Variants in RBFOX1 observed in about 807,000 individuals in gnomAD.
The protein encoded by RBFOX1 is RNA binding protein fox-1 homolog 1.
Under a neutral mutation model 57.7 loss-of-function variants are expected in RBFOX1, and 8 were observed. The ratio of observed to expected loss-of-function variants is 0.14; its 90% confidence interval spans 0.08 to 0.25. The LOEUF is 0.25. Ranked by LOEUF, RBFOX1 falls within the 10% of genes least tolerant of loss-of-function variation. The pLI, the probability that RBFOX1 is intolerant of heterozygous loss-of-function variation, is 1.00. For synonymous variants in RBFOX1, 326 were observed against 222.4 expected (o/e 1.47, Z -4.15); for missense variants, 611 against 548.5 (o/e 1.11, Z -1.14).
At chr16:6,375,663 C>T (rs1000750994) in intron 2 of RBFOX1, among the ~76,000 whole-genome samples, 1 of 152,144 alleles carries the variant, frequency 6.6e-6, no homozygotes, top group Admixed American at 6.5e-5. Flanking sequence ...GCCTCTTCAG[C>T]ATCCAGATGG....
intron 4 of RBFOX1, among the ~76,000 whole-genome samples, chr16:7,290,396 A>G (rs2094907148): frequency 1.3e-5 from 2 of 152,224 alleles, no homozygotes; most frequent in Admixed American, 1.3e-4. Flanking sequence ...TAATTTTTTA[A>G]CCAGGTGACC....
chr16:5,576,135 C>T lies in RBFOX1; in HGVS notation c.259-22767C>T, dbSNP rs116003230. 4.4e-3 allele frequency among the ~76,000 whole-genome samples: 672 copies of T among 152,248 alleles called. 3 individuals are homozygous for T. Among genetic ancestry groups the T allele is most frequent in the African/African-American group, 0.015 (615 of 41,552 alleles). ...AGAAGCTGGGATTGCAGGTGCCTGC[C>T]ACCATATCCGGCTAATGTTTGTATT... On this transcript the variant is annotated intron_variant, in intron 2 of 2. Coordinates refer to the RBFOX1 transcript ENST00000585867.
chr16:6,761,038 T>C (rs1374355057), intron 3 of RBFOX1, among the ~76,000 whole-genome samples: 1 of 152,188 alleles, frequency 6.6e-6, no homozygotes, highest in East Asian at 1.9e-4. Flanking sequence ...ACATTAAAGT[T>C]TATAGCTTCA....
intron 3 of RBFOX1, among the ~76,000 whole-genome samples, chr16:7,031,128 A>C (rs967950792): frequency 1.3e-5 from 2 of 152,204 alleles, no homozygotes; most frequent in African/African-American, 2.4e-5. Flanking sequence ...AAGCAACTGC[A>C]GGTATGCTGC....
At chr16:7,567,147 A>ATC (rs557434672) in intron 5 of RBFOX1, among the ~76,000 whole-genome samples, 1,243 of 31,458 alleles carry the variant, frequency 0.04, 35 homozygotes, top group Middle Eastern at 0.067. Flanking sequence ...ATCCATATAT[A>ATC]TCCCTATATA....
At chr16:5,896,667 A>G (rs1485128010) in intron 4 of RBFOX1, among the ~76,000 whole-genome samples, 1 of 151,792 alleles carries the variant, frequency 6.6e-6, no homozygotes, top group African/African-American at 2.4e-5. Flanking sequence ...GGACTAAGAC[A>G]TATCGTCATG....
At chr16:5,992,255 T>C (rs2060413259) in intron 4 of RBFOX1, among the ~76,000 whole-genome samples, 1 of 152,156 alleles carries the variant, frequency 6.6e-6, no homozygotes, top group African/African-American at 2.4e-5. Flanking sequence ...TAGAAGATTG[T>C]TTATGTCAGA....
chr16:7,511,299 C>G (rs1415576313), intron 4 of RBFOX1, among the ~76,000 whole-genome samples: 2 of 152,068 alleles, frequency 1.3e-5, no homozygotes, highest in Admixed American at 6.5e-5. Flanking sequence ...GTTAGTTTCT[C>G]AAAACTACTT....
intron 1 of RBFOX1, among the ~76,000 whole-genome samples, chr16:6,064,876 C>G (rs907200641): frequency 4.6e-5 from 7 of 151,980 alleles, no homozygotes; most frequent in African/African-American, 9.7e-5. Context: ...CACACACACA[C>G]TAACTTGGAT....
intron 3 of RBFOX1, among the ~76,000 whole-genome samples, chr16:6,707,116 A>G (rs188323895): frequency 2.2e-4 from 34 of 152,264 alleles, no homozygotes; most frequent in Middle Eastern, 3.4e-3. Flanking sequence ...TTCTCCCCAT[A>G]TATATTTAAT....
intron 1 of RBFOX1, among the ~76,000 whole-genome samples, chr16:6,054,436 C>T (rs2095589573): frequency 6.6e-6 from 1 of 152,120 alleles, no homozygotes; most frequent in South Asian, 2.1e-4. Flanking sequence ...CTAAGATCTC[C>T]AGCGTCAGGT....
At chr16:6,790,133 T>G (rs2082655714) in intron 3 of RBFOX1, among the ~76,000 whole-genome samples, 1 of 149,090 alleles carries the variant, frequency 6.7e-6, no homozygotes, top group South Asian at 2.1e-4. Flanking sequence ...GGTTCTGATT[T>G]AAATGTGACT....
chr16:7,008,448 C>A (rs1027834978), intron 3 of RBFOX1, among the ~76,000 whole-genome samples: 1 of 151,810 alleles, frequency 6.6e-6, no homozygotes, highest in Non-Finnish European at 1.5e-5. Context: ...TCAGAGGCAG[C>A]AGAATCGCTT....
At chr16:7,013,240 A>G (rs890835798) in intron 3 of RBFOX1, among the ~76,000 whole-genome samples, 2 of 152,152 alleles carry the variant, frequency 1.3e-5, no homozygotes, top group East Asian at 1.9e-4. Flanking sequence ...TGGTGAAAAA[A>G]TGCTTGTAGT....
At chr16:7,291,051 G>T (rs1245351006) in intron 4 of RBFOX1, among the ~76,000 whole-genome samples, 1 of 152,294 alleles carries the variant, frequency 6.6e-6, no homozygotes, top group East Asian at 1.9e-4. Flanking sequence ...CATTAAAGCA[G>T]TTTCAGCCAA....
intron 3 of RBFOX1, among the ~76,000 whole-genome samples, chr16:6,858,157 A>T (rs1238362616): frequency 6.6e-6 from 1 of 152,212 alleles, no homozygotes; most frequent in East Asian, 1.9e-4. Flanking sequence ...GTAATTTAAT[A>T]TTTGAAGGAA....
chr16:6,417,722 T>A (rs1000082448), intron 2 of RBFOX1, among the ~76,000 whole-genome samples: 2 of 150,114 alleles, frequency 1.3e-5, no homozygotes, highest in Non-Finnish European at 3.0e-5. Flanking sequence ...AAAAAAAAAA[T>A]TAAGTTCAAG....
intron 1 of RBFOX1, among the ~76,000 whole-genome samples, chr16:5,313,940 G>A (rs1328344993): frequency 6.6e-6 from 1 of 152,134 alleles, no homozygotes; most frequent in African/African-American, 2.4e-5. Context: ...TGAAATGTAT[G>A]GGATGTTTTG....
intron 2 of RBFOX1, among the ~76,000 whole-genome samples, chr16:6,587,445 C>G (rs2097645704): frequency 6.6e-6 from 1 of 152,124 alleles, no homozygotes; most frequent in African/African-American, 2.4e-5. Flanking sequence ...CCATGCCTGG[C>G]TAATTTTTGT....
Sources: allele counts gnomAD v4.1 joint callset (sites outside exome capture counted in the v4.1 genomes callset), GRCh38; gene constraint gnomAD v4.1.1; transcripts MANE v1.5; gene names NCBI Gene and HGNC (gene_info 2026-07-23, HGNC 2026-07-21).